TCEA1: variants seen among roughly 807,000 people sequenced by gnomAD.
TCEA1 encodes transcription elongation factor A1.
Under a neutral mutation model 43.8 loss-of-function variants are expected in TCEA1, and 21 were observed. The observed-to-expected ratio is 0.48, with a 90% confidence interval of 0.34 to 0.69. The LOEUF (loss-of-function observed/expected upper bound fraction) is 0.69. Ranked by LOEUF, TCEA1 falls within the 30% of genes least tolerant of loss-of-function variation. The pLI, the probability that TCEA1 is intolerant of heterozygous loss-of-function variation, is 0.01. For synonymous variants in TCEA1, 104 were observed against 117.5 expected (o/e 0.88, Z 0.75); for missense variants, 250 against 365.1 (o/e 0.68, Z 2.57).
At chr8:54,018,054 T>C (rs1200904132) in intron 1 of TCEA1, among the ~76,000 whole-genome samples, 5 of 152,246 alleles carry the variant, frequency 3.3e-5, no homozygotes, top group African/African-American at 1.2e-4. Context: ...ATAAAGCTGT[T>C]ATTAAAAATT....
Position 53,985,484 on chromosome 8 carries a change from C to A in TCEA1, c.524-967G>T, listed in dbSNP as rs115463440. Among the ~76,000 whole-genome samples the A allele has an allele frequency of 4.1e-3, 620 of 152,254 alleles. 4 individuals carry two copies. The highest frequency in any genetic ancestry group is 0.014 in the African/African-American group (591 of 41,544). ...CGAATTCTACTAAGGATCCTAAAGT[C>A]TCTCTGGTCACACAGTTCCCACAGG... On this transcript the variant is annotated intron_variant, in intron 6 of 9. Coordinates refer to ENST00000521604, the MANE Select transcript of TCEA1 (RefSeq NM_006756.4).
intron 3 of TCEA1, among the ~76,000 whole-genome samples, chr8:53,999,132 G>A (rs1390380889): frequency 6.6e-6 from 1 of 150,594 alleles, no homozygotes. Context: ...GGAGGCTGAG[G>A]CAGAATGGCA....
chr8:53,968,521 C>T (rs1803058723), intron 9 of TCEA1, among the ~76,000 whole-genome samples: 1 of 152,088 alleles, frequency 6.6e-6, no homozygotes, highest in Admixed American at 6.6e-5. Context: ...TCAAAGCAAA[C>T]TGCACTGTAC....
intron 4 of TCEA1, among the ~76,000 whole-genome samples, chr8:53,992,636 AC>A (rs1803916705): frequency 6.6e-6 from 1 of 152,146 alleles, no homozygotes; most frequent in Admixed American, 6.5e-5. Context: ...GCCCCTCCCC[AC>A]CAGAATTCCT....
At chr8:53,973,788 C>G (rs544173488) in intron 8 of TCEA1, 1 of 434,632 alleles carries the variant, frequency 2.3e-6, no homozygotes, top group East Asian at 5.7e-5. Context: ...TCCCTCAGAT[C>G]CCAATTTCAA....
At chr8:53,975,975 T>A (rs1030073688) in intron 8 of TCEA1, among the ~76,000 whole-genome samples, 4 of 152,096 alleles carry the variant, frequency 2.6e-5, no homozygotes, top group African/African-American at 9.7e-5. Flanking sequence ...AAAAACTTAA[T>A]CTATACAAGA....
intron 1 of TCEA1, chr8:54,021,834 C>T (rs1805044300): frequency 7.6e-6 from 3 of 393,294 alleles, no homozygotes; most frequent in Non-Finnish European, 1.3e-5. Context: ...TTACACGGCA[C>T]CAGCGAGCAG....
chr8:54,022,294 G>A lies in TCEA1; in HGVS notation c.-169C>T. On this transcript the variant is annotated 5_prime_UTR_variant, in exon 1 of 10. Coordinates refer to ENST00000521604, the MANE Select transcript of TCEA1 (RefSeq NM_006756.4). ...CGAAGCCCGCGGCGGCGGCGGCGGC[G>A]GCGGCGGCTCCGGCTCCTCCTCCCC... is the stretch of plus-strand genomic sequence containing the variant. The A allele has an allele frequency of 1.2e-6, 1 of 811,032 alleles. No homozygotes were observed. Among genetic ancestry groups the A allele is most frequent in the Admixed American group, 2.5e-5 (1 of 39,512 alleles). 50.2% of individuals were successfully genotyped at this position (811,032 alleles called of 1,614,324 possible).
At chr8:53,998,691 A>G (rs891669028) in intron 3 of TCEA1, among the ~76,000 whole-genome samples, 1 of 152,212 alleles carries the variant, frequency 6.6e-6, no homozygotes, top group Non-Finnish European at 1.5e-5. Context: ...GAGGGAATTC[A>G]TATTTGTTGG....
intron 1 of TCEA1, among the ~76,000 whole-genome samples, chr8:54,013,857 A>G (rs1804736973): frequency 6.6e-6 from 1 of 152,106 alleles, no homozygotes; most frequent in African/African-American, 2.4e-5. Flanking sequence ...TTCCACCTTC[A>G]CCATAAACCC....
At chr8:54,002,803 CTA>C (rs1438286510) in intron 2 of TCEA1, 1 of 435,802 alleles carries the variant, frequency 2.3e-6, no homozygotes, top group Non-Finnish European at 4.6e-6. Flanking sequence ...TCAGGACAAA[CTA>C]TACATCGTGA....
chr8:53,978,405 A>G (rs1322675738), intron 8 of TCEA1: 3 of 152,212 alleles, frequency 2.0e-5, no homozygotes, highest in African/African-American at 7.2e-5. Flanking sequence ...ACAATTCATC[A>G]GTTTTAAACT....
In TCEA1 at chr8:54,000,075, A is replaced by T. The variant is rs555074837; in HGVS notation, c.127-25T>A. Reference sequence around the variant, plus strand: ...ACTGCAAGGCAATAACAAAAAAATTATGTATACCAATTTTATTTTAAACAA... The same window carrying T: ...ACTGCAAGGCAATAACAAAAAAATTTTGTATACCAATTTTATTTTAAACAA... On this transcript the variant is annotated intron_variant, in intron 2 of 9. Transcript: ENST00000521604. 34 of 1,271,208 alleles carry T rather than the reference A, an allele frequency of 2.7e-5. No individual in the cohort carries two copies. In the South Asian group the frequency reaches 5.0e-4, roughly 19 times the overall value. The allele number at this position is 1,271,208 out of a possible 1,614,324, so 78.7% of individuals were successfully genotyped here.
rs530839038 is a variant in TCEA1 at position 53,991,769 on chromosome 8, G to A, written c.320+1899C>T. The stretch of plus-strand genomic sequence containing the variant: ...GACTGAGGAACTATTCCAGATTTAA[G>A]AAAACTAAACGGATATAACGTTAGA... On this transcript the variant is annotated intron_variant, in intron 4 of 9. Coordinates refer to ENST00000521604, the MANE Select transcript of TCEA1 (RefSeq NM_006756.4). 5.8e-4 allele frequency among the ~76,000 whole-genome samples: 88 copies of A among 151,584 alleles called. 2 individuals are homozygous for A. Among genetic ancestry groups the A allele is most frequent in the African/African-American group, 2.0e-3 (81 of 41,378 alleles).
chr8:54,016,178 G>A (rs368530530), intron 1 of TCEA1, among the ~76,000 whole-genome samples: 53 of 152,304 alleles, frequency 3.5e-4, no homozygotes, highest in African/African-American at 1.2e-3. Context: ...ACACCCAACA[G>A]AAATGAAAAC....
At position 54,013,256 on chromosome 8, in the gene TCEA1, C is replaced by A. The variant is rs181412199; in HGVS notation, c.64-2764G>T. Among the ~76,000 whole-genome samples, 595 of 152,272 alleles carry A rather than the reference C, an allele frequency of 3.9e-3. 4 individuals are homozygous for A. The highest frequency in any genetic ancestry group is 5.8e-3 in the Non-Finnish European group (396 of 68,024). ...TTTTCTACTCAGCTCTCTGGTGAGG[C>A]CATGGTTGGAATAAAAAGCTAAAAG... On this transcript the variant is annotated intron_variant, in intron 1 of 9. Transcript: ENST00000521604.
intron 2 of TCEA1, among the ~76,000 whole-genome samples, chr8:54,007,839 A>T (rs1449379915): frequency 6.6e-6 from 1 of 152,156 alleles, no homozygotes; most frequent in East Asian, 1.9e-4. Context: ...GGCTATATTA[A>T]GTTTCCTTTT....
chr8:53,981,839 A>C (rs949186497), intron 7 of TCEA1, among the ~76,000 whole-genome samples: 18 of 146,620 alleles, frequency 1.2e-4, no homozygotes, highest in African/African-American at 4.6e-4. Context: ...TGAAACCTCC[A>C]CCTCTTGGCC....
At chr8:54,017,371 T>C (rs1330480041) in intron 1 of TCEA1, among the ~76,000 whole-genome samples, 1 of 152,208 alleles carries the variant, frequency 6.6e-6, no homozygotes, top group East Asian at 1.9e-4. Flanking sequence ...AACTCTTCCT[T>C]TCTCCTCAGC....
Sources: gnomAD v4.1 joint callset for allele counts (sites outside exome capture counted in the v4.1 genomes callset) on GRCh38, gnomAD v4.1.1 for gene constraint, MANE v1.5 for transcripts, NCBI Gene and HGNC (gene_info 2026-07-23, HGNC 2026-07-21) for gene names.